PLXDC2: variants seen among roughly 807,000 people sequenced by gnomAD.
PLXDC2 encodes plexin domain containing 2.
A neutral mutation model predicts 68.9 loss-of-function variants in PLXDC2; 40 were observed. The observed-to-expected ratio is 0.58, with a 90% CI of 0.45 to 0.76. PLXDC2 has a LOEUF of 0.76. Ranked by LOEUF, PLXDC2 falls within the 30% of genes least tolerant of loss-of-function variation. PLXDC2 has a pLI of 0.00. For missense variants in PLXDC2, 644 were observed against 661.9 expected, an observed-to-expected ratio of 0.97 and a Z score of 0.30; for synonymous variants, 243 against 234.2, an observed-to-expected ratio of 1.04 and a Z score of -0.34.
chr10:19,819,033 C>T (rs761850521), intron 1 of PLXDC2, among the ~76,000 whole-genome samples: 2 of 58,170 alleles, frequency 3.4e-5, no homozygotes, highest in African/African-American at 6.7e-5. Flanking sequence ...TATATGTATA[C>T]ACACACACAC....
chr10:20,200,184 G>A (rs1016557447), intron 9 of PLXDC2, among the ~76,000 whole-genome samples: 3 of 151,756 alleles, frequency 2.0e-5, no homozygotes, highest in Admixed American at 2.0e-4. Flanking sequence ...ACAGACACAT[G>A]GTATATTTGA....
At chr10:20,204,226 T>G (rs973516003) in intron 9 of PLXDC2, among the ~76,000 whole-genome samples, 1 of 152,172 alleles carries the variant, frequency 6.6e-6, no homozygotes, top group Admixed American at 6.5e-5. Flanking sequence ...TAATTTGAAA[T>G]AAGGATAATT....
chr10:20,177,210 G>T, intron 8 of PLXDC2, 116 bp downstream of exon 8: 1 of 1,318,706 alleles, frequency 7.6e-7, no homozygotes. Context: ...TGTTTGGCAT[G>T]CATGGGCATT....
chr10:20,199,359 G>A (rs1443871123), intron 9 of PLXDC2, among the ~76,000 whole-genome samples: 3 of 151,816 alleles, frequency 2.0e-5, no homozygotes, highest in African/African-American at 7.2e-5. Context: ...AAAAAGGCAA[G>A]GATGTGATCA....
At chr10:20,061,000 T>G (rs1216978659) in intron 3 of PLXDC2, among the ~76,000 whole-genome samples, 1 of 152,230 alleles carries the variant, frequency 6.6e-6, no homozygotes, top group Non-Finnish European at 1.5e-5. Context: ...TTTGTAAAAT[T>G]TTGTTTTGAA....
rs147128854 is a variant in PLXDC2 at position 20,039,174 on chromosome 10, A to G, written c.325-7695A>G. Among the ~76,000 whole-genome samples, 340 of 152,290 alleles carry G rather than the reference A, an allele frequency of 2.2e-3. 4 individuals are homozygous for G. The highest frequency in any genetic ancestry group is 7.3e-3 in the African/African-American group (304 of 41,572). On this transcript the variant is annotated intron_variant, in intron 2 of 13. Coordinates refer to ENST00000377252, the MANE Select transcript of PLXDC2 (RefSeq NM_032812.9). ...CTTGGTTCCTTCCTGATCTACCCAC[A>G]ACTATGTGAGAATGTAGCTGTGTGT... is the stretch of plus-strand genomic sequence containing the variant.
intron 2 of PLXDC2, among the ~76,000 whole-genome samples, chr10:20,010,704 G>T (rs1835098343): frequency 6.6e-6 from 1 of 152,120 alleles, no homozygotes; most frequent in Non-Finnish European, 1.5e-5. Context: ...TTTATTTTCA[G>T]AACAAGAATT....
At chr10:19,967,952 G>A (rs1353432996) in intron 1 of PLXDC2, among the ~76,000 whole-genome samples, 1 of 152,126 alleles carries the variant, frequency 6.6e-6, no homozygotes, top group African/African-American at 2.4e-5. Flanking sequence ...TGAAGAAAAG[G>A]GAACAAATAT....
At chr10:20,208,737 C>T (rs1373951380) in intron 9 of PLXDC2, among the ~76,000 whole-genome samples, 4 of 151,922 alleles carry the variant, frequency 2.6e-5, no homozygotes, top group African/African-American at 4.8e-5. Context: ...AGCCAGATAT[C>T]GGGTGAAATT....
In PLXDC2 at chr10:20,287,562, A is replaced by G. The variant is rs1195947658; in HGVS notation, c.*7743A>G. ...ATTGTCACATTTATAGCAGGGAAAT[A>G]AAAACTCAAATTAGGCATCCTGCAG... On this transcript the variant is annotated 3_prime_UTR_variant, in exon 14 of 14. Transcript: ENST00000377252. 6.6e-6 allele frequency: 1 copy of G among 152,160 alleles called. No homozygotes were observed. The highest frequency in any genetic ancestry group is 6.5e-5 in the Admixed American group (1 of 15,286). The allele number at this position is 152,160 out of a possible 1,614,324, so 9.4% of individuals were successfully genotyped here.
At chr10:20,030,886 G>A (rs533337074) in intron 2 of PLXDC2, among the ~76,000 whole-genome samples, 1 of 152,138 alleles carries the variant, frequency 6.6e-6, no homozygotes. Context: ...GAGATCTGCC[G>A]TGAAGAAATG....
intron 1 of PLXDC2, among the ~76,000 whole-genome samples, chr10:19,877,768 G>A (rs1222268429): frequency 2.0e-5 from 3 of 152,200 alleles, no homozygotes; most frequent in Non-Finnish European, 4.4e-5. Flanking sequence ...GCCACTATTC[G>A]GGGCCTTTTT....
chr10:19,962,642 G>A (rs1391865673), intron 1 of PLXDC2, among the ~76,000 whole-genome samples: 1 of 145,166 alleles, frequency 6.9e-6, no homozygotes, highest in African/African-American at 2.5e-5. Context: ...CGCCTGCCTC[G>A]GCCTCCCGAA....
chr10:19,831,456 G>A (rs948416416), intron 1 of PLXDC2, among the ~76,000 whole-genome samples: 15 of 152,082 alleles, frequency 9.9e-5, no homozygotes, highest in African/African-American at 3.4e-4. Flanking sequence ...ATTTTAGGCT[G>A]AGGGGTACAT....
At chr10:19,850,358 T>G (rs1478099724) in intron 1 of PLXDC2, among the ~76,000 whole-genome samples, 2 of 152,046 alleles carry the variant, frequency 1.3e-5, no homozygotes, top group African/African-American at 4.8e-5. Context: ...TAATTTTCAG[T>G]ACCTAATAAT....
intron 7 of PLXDC2, among the ~76,000 whole-genome samples, chr10:20,164,825 CT>C (rs1364785489): frequency 6.6e-6 from 1 of 151,894 alleles, no homozygotes; most frequent in Non-Finnish European, 1.5e-5. Context: ...GTTCTTTTTT[CT>C]TTCTTTTGAT....
chr10:20,098,538 G>A (rs7912196), intron 4 of PLXDC2, among the ~76,000 whole-genome samples: 66,924 of 151,768 alleles, frequency 0.44, 14,961 homozygotes, highest in South Asian at 0.7. Flanking sequence ...ATAAAGTAAC[G>A]TTTGTGATTC....
intron 12 of PLXDC2, among the ~76,000 whole-genome samples, chr10:20,230,561 A>ACAT (rs1430086747): frequency 4.0e-5 from 6 of 151,712 alleles, no homozygotes; most frequent in African/African-American, 1.5e-4. Flanking sequence ...AGTCCCAGCT[A>ACAT]CATGGGAGGC....
chr10:20,265,190 T>C (rs527920516), intron 13 of PLXDC2, among the ~76,000 whole-genome samples: 3 of 152,292 alleles, frequency 2.0e-5, no homozygotes, highest in Admixed American at 6.5e-5. Context: ...TTATTATCCA[T>C]GTGGAGGAAC....
Sources: gnomAD v4.1 joint callset for allele counts (sites outside exome capture counted in the v4.1 genomes callset) on GRCh38, gnomAD v4.1.1 for gene constraint, MANE v1.5 for transcripts, NCBI Gene and HGNC (gene_info 2026-07-23, HGNC 2026-07-21) for gene names.